Variants in PCDHGA2 observed in about 807,000 individuals in gnomAD.
The protein encoded by PCDHGA2 is protocadherin gamma-A2.
Under a neutral mutation model 59.2 loss-of-function variants are expected in PCDHGA2, and 40 were observed. The ratio of observed to expected loss-of-function variants is 0.68; its 90% CI spans 0.52 to 0.88. The LOEUF (loss-of-function observed/expected upper bound fraction) is 0.88. Among genes scored for constraint, PCDHGA2 ranks in the 40% least tolerant of loss-of-function variants. The pLI is 0.00. For missense variants in PCDHGA2, 1,226 were observed against 1,204.0 expected (o/e 1.02, Z -0.27); for synonymous variants, 560 against 526.0 (o/e 1.06, Z -0.89).
chr5:141,503,212 C>G (rs1227936455), intron 2 of PCDHGA2, among the ~76,000 whole-genome samples: 1 of 152,074 alleles, frequency 6.6e-6, no homozygotes, highest in African/African-American at 2.4e-5. Flanking sequence ...CAGTGCCCAC[C>G]ATGAGCACCG....
intron 1 of PCDHGA2, chr5:141,422,819 T>C (rs369004166): frequency 2.5e-6 from 4 of 1,614,068 alleles, no homozygotes; most frequent in Non-Finnish European, 2.5e-6. Flanking sequence ...GACTTAGAAC[T>C]GAGAGTGATA....
intron 1 of PCDHGA2, chr5:141,364,663 G>A: frequency 6.2e-7 from 1 of 1,614,042 alleles, no homozygotes; most frequent in Non-Finnish European, 8.5e-7. Flanking sequence ...TCTTGGTTGA[G>A]AACAAAATGA....
chr5:141,404,564 G>A, intron 1 of PCDHGA2: 1 of 1,613,890 alleles, frequency 6.2e-7, no homozygotes. Flanking sequence ...AAGTGACAGT[G>A]GAAGCCCACC....
chr5:141,490,956 A>T lies in PCDHGA2; in HGVS notation c.2425-3851A>T. 1.2e-6 allele frequency: 2 copies of T among 1,613,828 alleles called. No homozygotes were observed. The highest frequency in any genetic ancestry group is 1.7e-6 in the Non-Finnish European group (2 of 1,179,852). ...TGCTGCACCCACGGCCAGACTGGGA[A>T]CACTCAGCCCCCCAGCGTCTCCCTC... On this transcript the variant is annotated intron_variant, in intron 1 of 3. Transcript: ENST00000394576. The surrounding 1 kb of genome is among the most constrained non-coding windows in gnomAD (Gnocchi z 5.4).
At chr5:141,351,485 G>A (rs757788189) in intron 1 of PCDHGA2, 6 of 1,613,904 alleles carry the variant, frequency 3.7e-6, no homozygotes, top group Non-Finnish European at 5.1e-6. Context: ...CCTAAACCGG[G>A]AGCAGACAGC....
chr5:141,423,804 T>C (rs571396807), intron 1 of PCDHGA2: 50 of 1,240,508 alleles, frequency 4.0e-5, no homozygotes, highest in African/African-American at 2.7e-4. Flanking sequence ...GAGCAATACA[T>C]GTGAGTTTTA....
At chr5:141,348,816 G>A (rs550611584) in intron 1 of PCDHGA2, among the ~76,000 whole-genome samples, 28 of 152,320 alleles carry the variant, frequency 1.8e-4, no homozygotes, top group Admixed American at 6.5e-4. Context: ...ATAATAGGCT[G>A]TTTCGAATAG....
intron 1 of PCDHGA2, chr5:141,433,132 T>A (rs1168186406): frequency 6.2e-7 from 1 of 1,614,122 alleles, no homozygotes; most frequent in Non-Finnish European, 8.5e-7. Context: ...GCGAGCCCCT[T>A]TTGCTGTCAG....
At chr5:141,398,565 A>G (rs2150749377) in intron 1 of PCDHGA2, 2 of 1,614,040 alleles carry the variant, frequency 1.2e-6, no homozygotes, top group South Asian at 1.1e-5. Context: ...GTGAGTCTGC[A>G]CAGCCTGGCA....
intron 1 of PCDHGA2, chr5:141,391,220 T>C (rs1189350408): frequency 6.6e-6 from 1 of 152,208 alleles, no homozygotes; most frequent in South Asian, 2.1e-4. Context: ...GAACATTATA[T>C]GAGCCTTTTG....
intron 1 of PCDHGA2, among the ~76,000 whole-genome samples, chr5:141,402,769 C>T (rs1404796973): frequency 6.6e-6 from 1 of 152,196 alleles, no homozygotes; most frequent in Non-Finnish European, 1.5e-5. Context: ...GGACTCCATC[C>T]GGATTTCCAG....
At chr5:141,387,707 C>A (rs1441500005) in intron 1 of PCDHGA2, 1 of 994,952 alleles carries the variant, frequency 1.0e-6, no homozygotes, top group Non-Finnish European at 1.5e-6. Flanking sequence ...CAGGGCAGCC[C>A]CAGCTCAGAC....
At chr5:141,475,282 G>C (rs942761003) in intron 1 of PCDHGA2, among the ~76,000 whole-genome samples, 2 of 152,150 alleles carry the variant, frequency 1.3e-5, no homozygotes, top group African/African-American at 4.8e-5. Context: ...TGAAAGACAG[G>C]GTAGGGAAAT....
chr5:141,505,704 G>A (rs770933428), intron 3 of PCDHGA2, among the ~76,000 whole-genome samples: 1 of 152,184 alleles, frequency 6.6e-6, no homozygotes, highest in Non-Finnish European at 1.5e-5. Context: ...GAGCGAACAA[G>A]GAAAAGACTC....
rs1554175372 is a variant in PCDHGA2, at chr5:141,490,827, G to A, written c.2425-3980G>A. ...CCTTTGACTATGAATTGCTGCAGAT[G>A]CTGCAGATTGTGGTGGGGGTTCGAG... On this transcript the variant is annotated intron_variant, in intron 1 of 3. Transcript: ENST00000394576. This position sits in a 1 kb window ranked among gnomAD's most constrained non-coding sequence, Gnocchi z 5.4. 1 of 1,613,744 alleles carries A rather than the reference G, an allele frequency of 6.2e-7. No individual in the cohort carries two copies. Among genetic ancestry groups the A allele is most frequent in the Non-Finnish European group, 8.5e-7 (1 of 1,179,828 alleles).
chr5:141,381,583 A>G (rs766567706), intron 1 of PCDHGA2, among the ~76,000 whole-genome samples: 1 of 152,214 alleles, frequency 6.6e-6, no homozygotes, highest in Non-Finnish European at 1.5e-5. Context: ...CAGCCAATCC[A>G]TTATCCAGTT....
intron 2 of PCDHGA2, among the ~76,000 whole-genome samples, chr5:141,503,780 T>G (rs779791247): frequency 7.2e-5 from 11 of 152,124 alleles, no homozygotes; most frequent in Non-Finnish European, 1.3e-4. Flanking sequence ...GTTCTTAGGC[T>G]GAGTTCATCT....
At chr5:141,359,669 G>T (rs1417596414) in intron 1 of PCDHGA2, among the ~76,000 whole-genome samples, 1 of 151,966 alleles carries the variant, frequency 6.6e-6, no homozygotes, top group African/African-American at 2.4e-5. Context: ...ATAAAAATCC[G>T]TTGCCCTATA....
chr5:141,423,760 G>T, intron 1 of PCDHGA2: 23 of 279,644 alleles, frequency 8.2e-5, no homozygotes, highest in South Asian at 2.0e-4. Flanking sequence ...TGGGGGGGGG[G>T]TGGGGCGGCA....
Sources: gnomAD v4.1 joint callset for allele counts (sites outside exome capture counted in the v4.1 genomes callset) on GRCh38, gnomAD v4.1.1 for gene constraint, Gnocchi (gnomAD v3.1) non-coding constraint, MANE v1.5 for transcripts, NCBI Gene and HGNC (gene_info 2026-07-23, HGNC 2026-07-21) for gene names.